LIN54: variants seen among roughly 807,000 people sequenced by gnomAD.
LIN54 encodes lin-54 DREAM MuvB core complex component.
LIN54 carries 9 observed loss-of-function variants against 78.7 expected under a neutral mutation model. That is an observed-to-expected ratio of 0.11 (90% CI 0.07 to 0.20). The LOEUF (loss-of-function observed/expected upper bound fraction) is 0.20, where lower values mean the gene tolerates loss of function less well. Ranked by LOEUF, LIN54 falls within the 10% of genes least tolerant of loss-of-function variation. LIN54 has a pLI of 1.00. For synonymous variants in LIN54, 269 were observed against 318.4 expected (o/e 0.84, Z 1.65); for missense variants, 573 against 889.9 (o/e 0.64, Z 4.53).
intron 2 of LIN54, 29 bp from the exon 3 acceptor site, chr4:82,979,035 A>T (rs756097419): frequency 2.0e-6 from 3 of 1,505,698 alleles, no homozygotes; most frequent in Non-Finnish European, 2.7e-6. Flanking sequence ...TATGAAGACC[A>T]TCTGTTTCTA....
chr4:82,933,708 T>C (rs1484026966), intron 11 of LIN54, among the ~76,000 whole-genome samples: 1 of 152,220 alleles, frequency 6.6e-6, no homozygotes, highest in African/African-American at 2.4e-5. Context: ...CTAGACAGTG[T>C]ATCTGTCCCG....
chr4:82,957,149 T>C (rs2126057196), intron 4 of LIN54, among the ~76,000 whole-genome samples: 1 of 152,318 alleles, frequency 6.6e-6, no homozygotes, highest in East Asian at 1.9e-4. Flanking sequence ...GCTTCACAGA[T>C]AAAAGCAAAA....
chr4:82,928,234 C>T lies in LIN54; in HGVS notation c.2118G>A (p.Glu706=). The stretch of plus-strand genomic sequence containing the variant: ...TTGATTTTCCCTTCTTGTCTGCCTG[C>T]TCTGCCTGGGCAAGGAGGCAATTAC... ...ATCNCLLAQA[E]QADKKGKSKA... Residue 706 remains glutamate (E), a synonymous_variant, in exon 13 of 13, where the codon GAG becomes GAA. Coordinates refer to ENST00000340417, the MANE Select transcript of LIN54 (RefSeq NM_194282.4). 1 of 1,614,224 alleles carries T rather than the reference C, an allele frequency of 6.2e-7. No homozygotes were observed. The highest frequency in any genetic ancestry group is 1.7e-5 in the Admixed American group (1 of 60,028).
At chr4:82,993,993 G>A (rs991074836) in intron 1 of LIN54, among the ~76,000 whole-genome samples, 1 of 152,040 alleles carries the variant, frequency 6.6e-6, no homozygotes, top group Non-Finnish European at 1.5e-5. Context: ...TCCAATATTT[G>A]CTACCTGGAG....
chr4:82,991,043 C>T (rs1177554429), intron 1 of LIN54, among the ~76,000 whole-genome samples: 3 of 151,538 alleles, frequency 2.0e-5, no homozygotes, highest in African/African-American at 7.3e-5. Context: ...CACCTGTAGT[C>T]CCAGCTATTC....
chr4:82,957,139 G>A (rs1724397367), intron 4 of LIN54, among the ~76,000 whole-genome samples: 1 of 152,160 alleles, frequency 6.6e-6, no homozygotes, highest in African/African-American at 2.4e-5. Flanking sequence ...TTATGTAAGA[G>A]CTTCACAGAT....
chr4:82,951,710 T>C (rs1344027699), intron 4 of LIN54, among the ~76,000 whole-genome samples: 1 of 152,102 alleles, frequency 6.6e-6, no homozygotes, highest in East Asian at 1.9e-4. Flanking sequence ...TCATTCCTTT[T>C]AACAAATTAC....
chr4:82,964,005 A>G (rs1725007483), intron 4 of LIN54, among the ~76,000 whole-genome samples: 1 of 152,020 alleles, frequency 6.6e-6, no homozygotes, highest in Non-Finnish European at 1.5e-5. Flanking sequence ...GTGAATTATG[A>G]CATTTTTTAA....
At chr4:82,990,522 C>T (rs1188045482) in intron 1 of LIN54, among the ~76,000 whole-genome samples, 1 of 151,792 alleles carries the variant, frequency 6.6e-6, no homozygotes, top group African/African-American at 2.4e-5. Context: ...CTCACTCGGT[C>T]GCCCAGGTTG....
chr4:82,983,017 T>C (rs1726802193), intron 2 of LIN54, among the ~76,000 whole-genome samples: 1 of 151,264 alleles, frequency 6.6e-6, no homozygotes, highest in African/African-American at 2.4e-5. Context: ...GTTTTTTTTT[T>C]TTTTTTTGAG....
rs375130908 is a variant in LIN54, at chr4:82,978,869, T to C, written c.808+14A>G. The C allele has an allele frequency of 2.7e-4, 394 of 1,463,516 alleles. No homozygotes were observed. Among genetic ancestry groups the C allele is most frequent in the Non-Finnish European group, 3.4e-4 (366 of 1,062,168 alleles). The allele number at this position is 1,463,516 out of a possible 1,614,324, so 90.7% of individuals were successfully genotyped here. A position where few individuals can be genotyped will look rare whatever the true frequency, so the allele number is the denominator to read the frequency against. ...GATAAATATTTAGCTTAATAAACTA[T>C]AAAGAAATATAACCTGCAATAACTG... On this transcript the variant is annotated intron_variant, in intron 3 of 12. Transcript: ENST00000340417.
At chr4:82,938,212 T>C (rs1274415415) in intron 8 of LIN54, among the ~76,000 whole-genome samples, 6 of 152,194 alleles carry the variant, frequency 3.9e-5, no homozygotes, top group Admixed American at 1.3e-4. Flanking sequence ...TGTAGTGAAA[T>C]TGGTGAATCT....
At chr4:82,943,875 T>A (rs1012617736) in intron 5 of LIN54, among the ~76,000 whole-genome samples, 1 of 86,670 alleles carries the variant, frequency 1.2e-5, no homozygotes, top group South Asian at 3.4e-4. Context: ...TTTTTTTTTT[T>A]TTTTTTTTTT....
intron 11 of LIN54, 107 bp downstream of exon 11, chr4:82,935,874 C>A (rs1377395847): frequency 8.8e-7 from 1 of 1,132,318 alleles, no homozygotes; most frequent in Admixed American, 1.8e-5. Context: ...TGCATATTTT[C>A]AAATTGCAAT....
intron 1 of LIN54, among the ~76,000 whole-genome samples, chr4:82,991,761 T>C (rs957428260): frequency 5.9e-5 from 9 of 152,206 alleles, no homozygotes; most frequent in South Asian, 2.1e-4. Context: ...GTATGGCTTT[T>C]CTTTTTTTAA....
At chr4:82,962,670 A>G (rs1264313387) in intron 4 of LIN54, among the ~76,000 whole-genome samples, 1 of 152,022 alleles carries the variant, frequency 6.6e-6, no homozygotes, top group Non-Finnish European at 1.5e-5. Context: ...TGAAAATGCT[A>G]GAAATTAAAA....
At chr4:82,948,364 G>A (rs1578520599) in intron 4 of LIN54, among the ~76,000 whole-genome samples, 1 of 152,068 alleles carries the variant, frequency 6.6e-6, no homozygotes, top group East Asian at 1.9e-4. Context: ...ATAGTACAGG[G>A]GTTGGTTGAA....
At chr4:82,943,039 C>T (rs1723067468) in intron 5 of LIN54, among the ~76,000 whole-genome samples, 1 of 151,966 alleles carries the variant, frequency 6.6e-6, no homozygotes, top group African/African-American at 2.4e-5. Flanking sequence ...CTATAAAATA[C>T]CTAGGGAAGG....
chr4:82,943,861 A>ATTTTTT (rs35020887), intron 5 of LIN54, among the ~76,000 whole-genome samples: 7 of 128,396 alleles, frequency 5.5e-5, no homozygotes, highest in East Asian at 2.4e-4. Flanking sequence ...GTCAATACTG[A>ATTTTTT]TTTTTTTTTT....
Sources: allele counts gnomAD v4.1 joint callset (sites outside exome capture counted in the v4.1 genomes callset), GRCh38; gene constraint gnomAD v4.1.1; transcripts MANE v1.5; gene names NCBI Gene and HGNC (gene_info 2026-07-23, HGNC 2026-07-21).